DLGAP1: variants seen among roughly 807,000 people sequenced by gnomAD.
The protein encoded by DLGAP1 is DLG associated protein 1.
In DLGAP1, 11 loss-of-function variants were observed where a neutral mutation model predicts 90.8. That is an observed-to-expected ratio of 0.12 (90% confidence interval 0.08 to 0.20). The LOEUF (loss-of-function observed/expected upper bound fraction) is 0.20, where lower values mean the gene tolerates loss of function less well. Ranked by LOEUF, DLGAP1 falls within the 10% of genes least tolerant of loss-of-function variation. The pLI, the probability that DLGAP1 is intolerant of heterozygous loss-of-function variation, is 1.00. For synonymous variants in DLGAP1, 558 were observed against 540.7 expected, an observed-to-expected ratio of 1.03 and a Z score of -0.44; for missense variants, 1,050 against 1,333.8, an observed-to-expected ratio of 0.79 and a Z score of 3.31.
chr18:4,170,083 T>C (rs1041017803), intron 1 of DLGAP1, among the ~76,000 whole-genome samples: 1 of 152,148 alleles, frequency 6.6e-6, no homozygotes, highest in African/African-American at 2.4e-5. Flanking sequence ...TCCACGATGA[T>C]GGAAGGTTGT....
intron 1 of DLGAP1, among the ~76,000 whole-genome samples, chr18:4,195,144 G>A (rs1157287287): frequency 6.6e-6 from 1 of 152,138 alleles, no homozygotes; most frequent in Non-Finnish European, 1.5e-5. Flanking sequence ...TATTTGGAGT[G>A]TAGTTTAGAA....
At chr18:3,541,955 G>C (rs1444783860) in intron 9 of DLGAP1, among the ~76,000 whole-genome samples, 1 of 151,940 alleles carries the variant, frequency 6.6e-6, no homozygotes, top group Non-Finnish European at 1.5e-5. Context: ...TTTGTTTCTA[G>C]AGACGAGGAG....
intron 1 of DLGAP1, among the ~76,000 whole-genome samples, chr18:4,198,223 A>T (rs971560983): frequency 1.1e-4 from 17 of 152,308 alleles, no homozygotes; most frequent in Middle Eastern, 3.4e-3. Context: ...TCTGTCTCAA[A>T]AAATAAATAA....
chr18:3,902,297 G>A (rs969322363), intron 3 of DLGAP1, among the ~76,000 whole-genome samples: 1 of 152,084 alleles, frequency 6.6e-6, no homozygotes, highest in African/African-American at 2.4e-5. Flanking sequence ...AAATGGCAAG[G>A]CAAATGGAAG....
intron 9 of DLGAP1, among the ~76,000 whole-genome samples, chr18:3,540,149 C>T (rs1464972757): frequency 2.6e-5 from 4 of 151,928 alleles, no homozygotes; most frequent in East Asian, 3.9e-4. Flanking sequence ...AAATAAGGCA[C>T]GGGCGTGAGG....
intron 3 of DLGAP1, among the ~76,000 whole-genome samples, chr18:3,992,408 T>C (rs1384286612): frequency 7.2e-5 from 11 of 152,140 alleles, no homozygotes; most frequent in African/African-American, 2.4e-4. Flanking sequence ...CTGGGTACGG[T>C]GGTTTACGCC....
rs912381805 is a variant in DLGAP1 at position 3,606,338 on chromosome 18, C to T, written c.1592-24090G>A. Among the ~76,000 whole-genome samples the T allele has an allele frequency of 3.9e-5, 6 of 152,202 alleles. No individual in the cohort carries two copies. The East Asian group carries it at 9.6e-4, about 24-fold the overall frequency. On this transcript the variant is annotated intron_variant, in intron 7 of 12. Coordinates refer to ENST00000315677, the MANE Select transcript of DLGAP1 (RefSeq NM_004746.4). ...CCTGCCAGAACCACACTAAAGAATT[C>T]GCTGCTCTCAAAGACAGACGTTTTC...
chr18:3,585,092 T>C (rs942132062), intron 7 of DLGAP1, among the ~76,000 whole-genome samples: 3 of 152,152 alleles, frequency 2.0e-5, no homozygotes, highest in Non-Finnish European at 4.4e-5. Context: ...CAACAATAAG[T>C]GTCGACTTCC....
Position 4,124,627 on chromosome 18 carries a change from A to G in DLGAP1, c.-159+26553T>C, listed in dbSNP as rs376704889. 1.1e-3 allele frequency among the ~76,000 whole-genome samples: 161 copies of G among 152,362 alleles called. 1 individual carries two copies. The highest frequency in any genetic ancestry group is 3.8e-3 in the African/African-American group (159 of 41,586). ...TCACCATAAAATATTTTGCTATTTC[A>G]TTAGTCACCATTAAAAGTGTTAAAA... is the stretch of plus-strand genomic sequence containing the variant. On this transcript the variant is annotated intron_variant, in intron 2 of 12. Coordinates refer to ENST00000315677, the MANE Select transcript of DLGAP1 (RefSeq NM_004746.4).
At chr18:3,878,182 T>C (rs2148822036) in intron 4 of DLGAP1, 1 of 150,222 alleles carries the variant, frequency 6.7e-6, no homozygotes, top group East Asian at 2.0e-4. Flanking sequence ...TTTTTTAAGA[T>C]GAGGCTACCA....
chr18:3,968,673 T>C (rs2073380734), intron 3 of DLGAP1, among the ~76,000 whole-genome samples: 1 of 152,224 alleles, frequency 6.6e-6, no homozygotes, highest in Non-Finnish European at 1.5e-5. Context: ...CAATATTCAA[T>C]TATTTGTGCA....
At chr18:4,030,563 TTGAG>T (rs59031971) in intron 2 of DLGAP1, among the ~76,000 whole-genome samples, 34,316 of 151,900 alleles carry the variant, frequency 0.23, 4,114 homozygotes, top group South Asian at 0.39. Context: ...TTGTTTTGGA[TTGAG>T]TGAAGGTTGC....
chr18:3,813,270 C>G (rs1214930531), intron 5 of DLGAP1, among the ~76,000 whole-genome samples: 1 of 152,132 alleles, frequency 6.6e-6, no homozygotes, highest in Non-Finnish European at 1.5e-5. Flanking sequence ...TAAACAAATA[C>G]TTACCATTGT....
chr18:3,924,749 T>C (rs2072343966), intron 3 of DLGAP1, among the ~76,000 whole-genome samples: 1 of 152,218 alleles, frequency 6.6e-6, no homozygotes, highest in Admixed American at 6.5e-5. Flanking sequence ...AATTGGAATC[T>C]TGCAATTTCT....
At chr18:4,310,215 A>G (rs2080363690) in intron 1 of DLGAP1, among the ~76,000 whole-genome samples, 1 of 152,134 alleles carries the variant, frequency 6.6e-6, no homozygotes, top group South Asian at 2.1e-4. Flanking sequence ...TTCAGAAGAT[A>G]CTTTCCAGTT....
At chr18:4,213,719 T>TC (rs942419987) in intron 1 of DLGAP1, among the ~76,000 whole-genome samples, 6 of 152,212 alleles carry the variant, frequency 3.9e-5, no homozygotes, top group African/African-American at 1.4e-4. Flanking sequence ...AATGGGGACC[T>TC]CCCCCATATC....
In DLGAP1 at chr18:4,234,864, A is replaced by G. The variant is rs558446939; in HGVS notation, c.-266-83577T>C. Among the ~76,000 whole-genome samples the G allele has an allele frequency of 9.8e-5, 15 of 152,324 alleles. No homozygotes were observed. In the South Asian group the frequency reaches 3.1e-3, roughly 32 times the overall value. On this transcript the variant is annotated intron_variant, in intron 1 of 12. Transcript: ENST00000315677. ...TTCACGAAAACAAATCTAAAAGAATAGTTTAAAAGAAGTAAAAGAAAGGCA... is the reference window on the plus strand; with the variant it reads ...TTCACGAAAACAAATCTAAAAGAATGGTTTAAAAGAAGTAAAAGAAAGGCA...
intron 6 of DLGAP1, among the ~76,000 whole-genome samples, chr18:3,737,742 C>T (rs2062713211): frequency 7.9e-6 from 1 of 127,182 alleles, no homozygotes; most frequent in South Asian, 3.0e-4. Flanking sequence ...CTCACCACTC[C>T]TATTCAACAT....
chr18:3,954,178 T>C (rs1166219233), intron 3 of DLGAP1, among the ~76,000 whole-genome samples: 2 of 152,238 alleles, frequency 1.3e-5, no homozygotes, highest in Non-Finnish European at 2.9e-5. Flanking sequence ...GTGGAAAAGA[T>C]AAAGACTTCA....
Sources: gnomAD v4.1 joint callset for allele counts (sites outside exome capture counted in the v4.1 genomes callset) on GRCh38, gnomAD v4.1.1 for gene constraint, MANE v1.5 for transcripts, NCBI Gene and HGNC (gene_info 2026-07-23, HGNC 2026-07-21) for gene names.